Variants in GRM1 observed in about 807,000 individuals in gnomAD.
The protein encoded by GRM1 is metabotropic glutamate receptor 1.
In GRM1, 33 loss-of-function variants were observed where a neutral mutation model predicts 90.9. The ratio of observed to expected loss-of-function variants is 0.36; its 90% CI spans 0.28 to 0.49. GRM1 has a LOEUF of 0.49. Ranked by LOEUF, GRM1 falls within the 20% of genes least tolerant of loss-of-function variation. The pLI, the probability that GRM1 is intolerant of heterozygous loss-of-function variation, is 0.99. For synonymous variants in GRM1, 700 were observed against 613.2 expected, an observed-to-expected ratio of 1.14 and a Z score of -2.09; for missense variants, 1,190 against 1,534.3, an observed-to-expected ratio of 0.78 and a Z score of 3.75.
At chr6:146,046,356 A>G (rs1373755155) in intron 1 of GRM1, among the ~76,000 whole-genome samples, 1 of 152,004 alleles carries the variant, frequency 6.6e-6, no homozygotes, top group Non-Finnish European at 1.5e-5. Context: ...AGAGTATCTA[A>G]GTCCTTGATT....
At chr6:146,192,943 G>T (rs945379323) in intron 2 of GRM1, among the ~76,000 whole-genome samples, 3 of 152,090 alleles carry the variant, frequency 2.0e-5, no homozygotes, top group Admixed American at 2.0e-4. Flanking sequence ...CGGCATAGAA[G>T]AAATAGTTGT....
At chr6:146,150,941 C>T (rs1241222660) in intron 1 of GRM1, among the ~76,000 whole-genome samples, 1 of 126,418 alleles carries the variant, frequency 7.9e-6, no homozygotes, top group Admixed American at 7.2e-5. Context: ...TGTGCGCGCA[C>T]ACACACACAC....
chr6:146,114,768 C>T (rs1301349731), intron 1 of GRM1, among the ~76,000 whole-genome samples: 1 of 152,060 alleles, frequency 6.6e-6, no homozygotes, highest in Non-Finnish European at 1.5e-5. Context: ...ATTCATCCAA[C>T]AAATAGACTA....
At chr6:146,283,934 C>G (rs763719131) in intron 2 of GRM1, among the ~76,000 whole-genome samples, 2 of 152,192 alleles carry the variant, frequency 1.3e-5, no homozygotes, top group Non-Finnish European at 2.9e-5. Context: ...ATACTATTTC[C>G]TTTAAAAATT....
intron 2 of GRM1, among the ~76,000 whole-genome samples, chr6:146,183,001 A>G (rs1391770077): frequency 6.6e-6 from 1 of 152,116 alleles, no homozygotes; most frequent in Non-Finnish European, 1.5e-5. Flanking sequence ...AATGAAACTA[A>G]AGTAACAATC....
intron 1 of GRM1, among the ~76,000 whole-genome samples, chr6:146,108,728 C>A (rs948062040): frequency 6.6e-6 from 1 of 152,092 alleles, no homozygotes; most frequent in Non-Finnish European, 1.5e-5. Flanking sequence ...CAGAAGAAGA[C>A]AGGAAAATGT....
Position 146,029,848 on chromosome 6 carries a change from C to T in GRM1, c.331C>T (p.His111Tyr), listed in dbSNP as rs1292994544. 1 of 1,613,998 alleles carries T rather than the reference C, an allele frequency of 6.2e-7. No individual in the cohort carries two copies. Among genetic ancestry groups the T allele is most frequent in the Admixed American group, 1.7e-5 (1 of 60,006 alleles). The change falls in exon 1 of 8, where the codon CAC becomes TAC. Residue 111 changes from histidine (H) to tyrosine (Y), a missense_variant. Physicochemically the swap from His to Tyr is moderately conservative, Grantham distance 83. Coordinates refer to ENST00000282753, the MANE Select transcript of GRM1 (RefSeq NM_001278064.2). ...CAGTGAGATCCGGGACTCCTGCTGG[C>T]ACTCTTCCGTGGCTCTGGAACAGAG... is the stretch of plus-strand genomic sequence containing the variant. ...LGSEIRDSCW[H>Y]SSVALEQSIE...
chr6:146,433,677 A>C (rs570782880), intron 7 of GRM1, among the ~76,000 whole-genome samples, 195 bp from the exon 8 acceptor site: 1 of 152,222 alleles, frequency 6.6e-6, no homozygotes, highest in Non-Finnish European at 1.5e-5. Flanking sequence ...CTCCTCAACA[A>C]CTTTTCTCAG....
At chr6:146,233,341 A>T (rs556987158) in intron 2 of GRM1, among the ~76,000 whole-genome samples, 2 of 151,932 alleles carry the variant, frequency 1.3e-5, no homozygotes, top group African/African-American at 4.8e-5. Flanking sequence ...TCTCTGCCCA[A>T]CTCCATTTTC....
intron 5 of GRM1, among the ~76,000 whole-genome samples, chr6:146,376,621 A>G (rs1240970065): frequency 2.0e-5 from 3 of 151,998 alleles, no homozygotes; most frequent in African/African-American, 7.3e-5. Flanking sequence ...CTGGCCTGTA[A>G]AGTTTCCACT....
At chr6:146,093,467 TC>T (rs1365045010) in intron 1 of GRM1, among the ~76,000 whole-genome samples, 1 of 151,832 alleles carries the variant, frequency 6.6e-6, no homozygotes, top group Non-Finnish European at 1.5e-5. Context: ...AAGGGAGGAG[TC>T]CCTTGATGCA....
intron 1 of GRM1, among the ~76,000 whole-genome samples, chr6:146,126,072 T>C (rs991642813): frequency 6.6e-6 from 1 of 152,146 alleles, no homozygotes. Context: ...CAAAAATTTC[T>C]GCTTTATATT....
intron 7 of GRM1, chr6:146,426,781 G>A (rs930755701): frequency 6.5e-6 from 4 of 613,726 alleles, no homozygotes; most frequent in African/African-American, 3.7e-5. Flanking sequence ...TGGTTTGCAC[G>A]ACTGCCTTAA....
At chr6:146,354,291 T>C (rs1289252226) in intron 4 of GRM1, among the ~76,000 whole-genome samples, 1 of 152,180 alleles carries the variant, frequency 6.6e-6, no homozygotes, top group Non-Finnish European at 1.5e-5. Flanking sequence ...GAACATTGAC[T>C]ACCTGCCTCT....
At chr6:146,168,037 T>C (rs1416740196) in intron 2 of GRM1, among the ~76,000 whole-genome samples, 1 of 152,070 alleles carries the variant, frequency 6.6e-6, no homozygotes, top group Non-Finnish European at 1.5e-5. Context: ...TGGGCCTAAT[T>C]TTTGTATATG....
At chr6:146,298,618 T>C (rs1783268183) in intron 2 of GRM1, among the ~76,000 whole-genome samples, 1 of 152,172 alleles carries the variant, frequency 6.6e-6, no homozygotes, top group South Asian at 2.1e-4. Context: ...GTTAAGACTT[T>C]TCTGGAGGGG....
intron 3 of GRM1, among the ~76,000 whole-genome samples, chr6:146,323,811 G>A (rs1583325232): frequency 2.0e-5 from 3 of 152,170 alleles, no homozygotes; most frequent in African/African-American, 7.2e-5. Flanking sequence ...TCTACATATG[G>A]CTAGCCTGTT....
chr6:146,330,352 A>C (rs759685620), intron 3 of GRM1, among the ~76,000 whole-genome samples: 4 of 152,136 alleles, frequency 2.6e-5, no homozygotes, highest in Non-Finnish European at 5.9e-5. Context: ...GTGTATTTTT[A>C]ATGAGTTTTT....
intron 1 of GRM1, among the ~76,000 whole-genome samples, chr6:146,131,458 C>G (rs1169585817): frequency 1.3e-5 from 2 of 151,066 alleles, no homozygotes; most frequent in African/African-American, 4.9e-5. Context: ...AAAATAATCT[C>G]TAAGTCTCTT....
Sources: allele counts gnomAD v4.1 joint callset (sites outside exome capture counted in the v4.1 genomes callset), GRCh38; gene constraint gnomAD v4.1.1; transcripts MANE v1.5; gene names NCBI Gene and HGNC (gene_info 2026-07-23, HGNC 2026-07-21).